The following EPN2 variants were observed in gnomAD, a reference collection of about 807,000 sequenced individuals.
EPN2 encodes the protein epsin 2.
In EPN2, 34 loss-of-function variants were observed where a neutral mutation model predicts 61.7. The ratio of observed to expected loss-of-function variants is 0.55; its 90% CI spans 0.42 to 0.73. EPN2 has a LOEUF of 0.73. Ranked by LOEUF, EPN2 falls within the 30% of genes least tolerant of loss-of-function variation. The pLI, the probability that EPN2 is intolerant of heterozygous loss-of-function variation, is 0.00. For synonymous variants in EPN2, 349 were observed against 353.6 expected, an observed-to-expected ratio of 0.99 and a Z score of 0.15; for missense variants, 714 against 839.2, an observed-to-expected ratio of 0.85 and a Z score of 1.84.
intron 4 of EPN2, among the ~76,000 whole-genome samples, chr17:19,289,729 T>G (rs201569726): frequency 3.8e-4 from 41 of 108,714 alleles, no homozygotes; most frequent in South Asian, 2.3e-3. Context: ...TCATGGTTTT[T>G]TTTTTTTTTT....
intron 1 of EPN2, among the ~76,000 whole-genome samples, chr17:19,258,876 G>A (rs913980713): frequency 6.6e-6 from 1 of 152,194 alleles, no homozygotes; most frequent in Non-Finnish European, 1.5e-5. Context: ...GGGTGAGACC[G>A]CTGTGTCAAT....
chr17:19,322,410 A>G (rs929448262), intron 7 of EPN2, among the ~76,000 whole-genome samples: 1 of 152,198 alleles, frequency 6.6e-6, no homozygotes. Flanking sequence ...ACAGCTAGCC[A>G]GTAGCTGATC....
intron 1 of EPN2, among the ~76,000 whole-genome samples, chr17:19,269,299 C>T (rs1451328976): frequency 6.6e-6 from 1 of 152,088 alleles, no homozygotes; most frequent in East Asian, 1.9e-4. Context: ...ATGTCTCCAG[C>T]AGAGGAGGAA....
At chr17:19,313,603 G>A (rs925196660) in intron 7 of EPN2, 4 of 322,142 alleles carry the variant, frequency 1.2e-5, no homozygotes, top group Middle Eastern at 3.5e-4. Flanking sequence ...TACACCCAGC[G>A]TCCCAGCTGA....
intron 1 of EPN2, among the ~76,000 whole-genome samples, chr17:19,259,999 G>T (rs2045123706): frequency 6.6e-6 from 1 of 152,176 alleles, no homozygotes; most frequent in South Asian, 2.1e-4. Context: ...CTGCTGTCCT[G>T]TGCCCTTTAG....
At chr17:19,312,941 C>T (rs1598015991) in intron 6 of EPN2, 164 bp from the exon 7 acceptor site, 12 of 670,906 alleles carry the variant, frequency 1.8e-5, no homozygotes, top group South Asian at 1.1e-4. Context: ...GCTGGCTGGA[C>T]GGGGAGGGAG....
chr17:19,251,725 C>T (rs1342467519), intron 1 of EPN2, among the ~76,000 whole-genome samples: 1 of 152,176 alleles, frequency 6.6e-6, no homozygotes, highest in East Asian at 1.9e-4. Flanking sequence ...TGAGCCACTG[C>T]ACCCGGCCAG....
At chr17:19,306,863 G>A (rs142425549) in intron 4 of EPN2, among the ~76,000 whole-genome samples, 6 of 152,260 alleles carry the variant, frequency 3.9e-5, no homozygotes, top group East Asian at 1.9e-4. Flanking sequence ...GAAGGATGTC[G>A]TAAGTGCAAT....
chr17:19,334,997 G>A lies in EPN2; in HGVS notation c.*743G>A, dbSNP rs138026134. On this transcript the variant is annotated 3_prime_UTR_variant, in exon 11 of 11. Coordinates refer to ENST00000314728, the MANE Select transcript of EPN2 (RefSeq NM_014964.5). The surrounding 1 kb of genome is among the most constrained non-coding windows in gnomAD (Gnocchi z 4.9). ...TTACCAGGTCTGGCTGAATGAAGAT[G>A]TTGGCACGTGTCATTTTAGTGGTTT... The A allele has an allele frequency of 7.6e-4, 120 of 157,400 alleles. No homozygotes were observed. The East Asian group carries it at 0.021, about 28-fold the overall frequency. The allele number at this position is 157,400 out of a possible 1,614,324, so 9.8% of individuals were successfully genotyped here. A position where few individuals can be genotyped will look rare whatever the true frequency, so the allele number is the denominator to read the frequency against.
At chr17:19,298,395 C>T (rs1374221597) in intron 4 of EPN2, among the ~76,000 whole-genome samples, 3 of 152,152 alleles carry the variant, frequency 2.0e-5, no homozygotes, top group African/African-American at 7.2e-5. Flanking sequence ...GGGGTTTTGC[C>T]ATTTTGGCTA....
At chr17:19,277,374 C>G (rs958964490) in intron 1 of EPN2, among the ~76,000 whole-genome samples, 56 of 142,846 alleles carry the variant, frequency 3.9e-4, no homozygotes, top group African/African-American at 1.3e-3. Flanking sequence ...GCACTCCAGC[C>G]TGGGCAAAAG....
chr17:19,301,940 T>C (rs1179827610), intron 4 of EPN2, among the ~76,000 whole-genome samples: 3 of 152,234 alleles, frequency 2.0e-5, no homozygotes, highest in Admixed American at 2.0e-4. Context: ...AAAGCCCCTT[T>C]AGGGTGCTAG....
chr17:19,309,933 C>T lies in EPN2; in HGVS notation c.815C>T (p.Thr272Ile). Reference sequence around the variant, plus strand: ...GAGCTGGAGCAAGCCCGGCCCCAGACTAGTGGAGAAGAGGAGCTTCAGCTG... The same window carrying T: ...GAGCTGGAGCAAGCCCGGCCCCAGATTAGTGGAGAAGAGGAGCTTCAGCTG... The part of the protein sequence containing the change: ...SSELEQARPQ[T>I]SGEEELQLQL... Residue 272 changes from threonine (T) to isoleucine (I), a missense_variant, in exon 5 of 11, where the codon ACT (threonine) becomes ATT (isoleucine). Coordinates refer to ENST00000314728, the MANE Select transcript of EPN2 (RefSeq NM_014964.5). 1 of 1,609,660 alleles carries T rather than the reference C, an allele frequency of 6.2e-7. No homozygotes were observed. The highest frequency in any genetic ancestry group is 8.5e-7 in the Non-Finnish European group (1 of 1,180,016).
In EPN2 at chr17:19,328,828, G is replaced by T. The variant is rs1907023070; in HGVS notation, c.1265G>T (p.Gly422Val). Residue 422 changes from glycine to valine, a missense_variant, in exon 8 of 11, where the codon GGG (glycine) becomes GTG (valine). Coordinates refer to ENST00000314728, the MANE Select transcript of EPN2 (RefSeq NM_014964.5). ...AASQQPASSAGKRASDAWGAV... is the reference protein window; with the variant it reads ...AASQQPASSAVKRASDAWGAV... ...TCACAGCAGCCTGCCTCCAGTGCTG[G>T]GAAAAGAGCTTCTGACGCGTGGGGC... is the stretch of plus-strand genomic sequence containing the variant. The T allele has an allele frequency of 2.5e-6, 4 of 1,613,572 alleles. No individual in the cohort carries two copies. Among genetic ancestry groups the T allele is most frequent in the Non-Finnish European group, 3.4e-6 (4 of 1,179,688 alleles).
At chr17:19,263,325 CA>C (rs2045163643) in intron 1 of EPN2, among the ~76,000 whole-genome samples, 1 of 152,094 alleles carries the variant, frequency 6.6e-6, no homozygotes, top group African/African-American at 2.4e-5. Context: ...AAGTGGGGCC[CA>C]TCCCTGGGGC....
intron 7 of EPN2, 67 bp from the exon 8 acceptor site, chr17:19,328,644 C>T: frequency 3.5e-6 from 5 of 1,432,978 alleles, no homozygotes; most frequent in Non-Finnish European, 4.7e-6. Flanking sequence ...GTATCCTTTT[C>T]CCTTCTCACC....
At chr17:19,239,354 G>T (rs540246091) in intron 1 of EPN2, among the ~76,000 whole-genome samples, 12 of 152,182 alleles carry the variant, frequency 7.9e-5, no homozygotes, top group Non-Finnish European at 4.4e-5. Flanking sequence ...ATTTCGCCAC[G>T]TTGGCCAGGC....
intron 4 of EPN2, among the ~76,000 whole-genome samples, chr17:19,299,437 T>C (rs1905360789): frequency 6.6e-6 from 1 of 152,236 alleles, no homozygotes; most frequent in African/African-American, 2.4e-5. Context: ...TTTTCCTTAC[T>C]GCTGGTCCCC....
chr17:19,238,131 C>G (rs572694968), intron 1 of EPN2, among the ~76,000 whole-genome samples: 87 of 152,352 alleles, frequency 5.7e-4, no homozygotes, highest in African/African-American at 2.0e-3. Context: ...AGCCCCCACT[C>G]CCACGGAACA....
Sources: gnomAD v4.1 joint callset for allele counts (sites outside exome capture counted in the v4.1 genomes callset) on GRCh38, gnomAD v4.1.1 for gene constraint, Gnocchi (gnomAD v3.1) non-coding constraint, MANE v1.5 for transcripts, NCBI Gene and HGNC (gene_info 2026-07-23, HGNC 2026-07-21) for gene names.